The following PTPRG variants were observed in gnomAD, a reference collection of about 807,000 sequenced individuals.
The protein encoded by PTPRG is protein tyrosine phosphatase receptor type G.
In PTPRG, 102 loss-of-function variants were observed where a neutral mutation model predicts 165.3. That is an observed-to-expected ratio of 0.62 (90% confidence interval 0.53 to 0.73). The LOEUF is 0.73. PTPRG is among the 30% of genes least tolerant of loss of function. The pLI is 0.00. For synonymous variants in PTPRG, 675 were observed against 669.5 expected (o/e 1.01, Z -0.13); for missense variants, 1,866 against 1,861.4 (o/e 1.00, Z -0.05).
chr3:61,700,517 C>G (rs2030894824), intron 1 of PTPRG, among the ~76,000 whole-genome samples: 1 of 152,124 alleles, frequency 6.6e-6, no homozygotes, highest in Non-Finnish European at 1.5e-5. Flanking sequence ...TCAGTGAATT[C>G]CCTGGTTGCC....
intron 14 of PTPRG, among the ~76,000 whole-genome samples, chr3:62,235,667 A>T (rs746970243): frequency 2.0e-5 from 3 of 152,186 alleles, no homozygotes; most frequent in South Asian, 2.1e-4. Flanking sequence ...ATCCAATAAA[A>T]TTCTCACTAT....
intron 2 of PTPRG, among the ~76,000 whole-genome samples, chr3:61,956,294 T>A (rs755285954): frequency 4.3e-4 from 60 of 141,010 alleles, no homozygotes; most frequent in African/African-American, 8.1e-4. Context: ...TCTCTCTCTC[T>A]CACACACACA....
rs1368024774 is a variant in PTPRG, at chr3:62,157,108, C to T, written c.724C>T (p.Leu242=). 1 of 1,611,636 alleles carries T rather than the reference C, an allele frequency of 6.2e-7. No homozygotes were observed. The highest frequency in any genetic ancestry group is 8.5e-7 in the Non-Finnish European group (1 of 1,177,732). Reference sequence around the variant, plus strand: ...GGATCCTTTCGTCCTCCGGGACCTCCTGCCTGCATCCCTGGGCAGCTATTA... The same window carrying T: ...GGATCCTTTCGTCCTCCGGGACCTCTTGCCTGCATCCCTGGGCAGCTATTA... ...FLDPFVLRDL[L]PASLGSYYRY... Residue 242 remains leucine, a synonymous_variant, in exon 7 of 30, where the codon CTG becomes TTG. Transcript: ENST00000474889.
At chr3:61,911,023 C>T (rs924685098) in intron 2 of PTPRG, among the ~76,000 whole-genome samples, 2 of 152,192 alleles carry the variant, frequency 1.3e-5, no homozygotes, top group African/African-American at 4.8e-5. Context: ...TCTGCTGCTC[C>T]TGTTGTCCTC....
At chr3:61,658,054 A>G (rs1702557244) in intron 1 of PTPRG, among the ~76,000 whole-genome samples, 1 of 152,196 alleles carries the variant, frequency 6.6e-6, no homozygotes, top group Admixed American at 6.5e-5. Context: ...TTTGGGAAGT[A>G]TAAGAGCTCC....
intron 1 of PTPRG, among the ~76,000 whole-genome samples, chr3:61,650,006 T>C (rs1702306091): frequency 6.6e-6 from 1 of 152,226 alleles, no homozygotes; most frequent in Non-Finnish European, 1.5e-5. Flanking sequence ...GTTTTACTGC[T>C]AAACCTAATA....
At chr3:62,156,287 A>T (rs1275031197) in intron 6 of PTPRG, among the ~76,000 whole-genome samples, 1 of 152,100 alleles carries the variant, frequency 6.6e-6, no homozygotes, top group East Asian at 1.9e-4. Context: ...AGACACCTGG[A>T]TTCACATCCT....
chr3:61,697,965 C>T (rs1253285042), intron 1 of PTPRG, among the ~76,000 whole-genome samples: 1 of 152,158 alleles, frequency 6.6e-6, no homozygotes, highest in Non-Finnish European at 1.5e-5. Flanking sequence ...TTGCTAATTT[C>T]CCCTGCGTTT....
chr3:62,128,032 T>G (rs1207431366), intron 5 of PTPRG, among the ~76,000 whole-genome samples: 1 of 152,138 alleles, frequency 6.6e-6, no homozygotes, highest in Non-Finnish European at 1.5e-5. Flanking sequence ...CGAACCTAGG[T>G]TTCATGGTTT....
chr3:62,281,538 C>CTGTTTTTTTTTTT, intron 26 of PTPRG, 25 bp from the exon 27 acceptor site: 3 of 620,522 alleles, frequency 4.8e-6, no homozygotes, highest in Non-Finnish European at 4.2e-6. Flanking sequence ...ACTGCAGAGG[C>CTGTTTTTTTTTTT]TTTTTTTTTT....
intron 4 of PTPRG, among the ~76,000 whole-genome samples, chr3:62,023,925 A>G (rs1395460198): frequency 6.6e-6 from 1 of 152,138 alleles, no homozygotes; most frequent in Non-Finnish European, 1.5e-5. Flanking sequence ...TTGCTGGGGA[A>G]TACTTGAATC....
chr3:61,567,677 A>AG (rs1355449219), intron 1 of PTPRG, among the ~76,000 whole-genome samples: 1 of 150,558 alleles, frequency 6.6e-6, no homozygotes, highest in Non-Finnish European at 1.5e-5. Flanking sequence ...AAAAAAAAAA[A>AG]AAAAAATTAA....
At chr3:61,813,266 C>T (rs1038369367) in intron 2 of PTPRG, among the ~76,000 whole-genome samples, 9 of 143,514 alleles carry the variant, frequency 6.3e-5, no homozygotes, top group Non-Finnish European at 1.0e-4. Flanking sequence ...GAGGCTTAGG[C>T]GAGTGGATCA....
At chr3:62,278,105 A>G (rs572532724) in intron 26 of PTPRG, among the ~76,000 whole-genome samples, 2 of 152,210 alleles carry the variant, frequency 1.3e-5, no homozygotes, top group South Asian at 4.1e-4. Context: ...CATACATACT[A>G]TTATTATCTC....
chr3:62,084,540 G>A (rs918597138), intron 5 of PTPRG, among the ~76,000 whole-genome samples: 7 of 152,208 alleles, frequency 4.6e-5, no homozygotes, highest in African/African-American at 1.4e-4. Flanking sequence ...ATATCATGTC[G>A]GTGTTACAGA....
At chr3:61,564,489 T>C (rs1030048855) in intron 1 of PTPRG, among the ~76,000 whole-genome samples, 4 of 152,154 alleles carry the variant, frequency 2.6e-5, no homozygotes, top group Non-Finnish European at 5.9e-5. Context: ...TCATTTTCTT[T>C]TCGCGCCCAC....
intron 7 of PTPRG, among the ~76,000 whole-genome samples, chr3:62,166,863 A>G (rs1310590788): frequency 2.0e-5 from 3 of 151,764 alleles, no homozygotes; most frequent in African/African-American, 4.8e-5. Flanking sequence ...TGATTTGTGT[A>G]TTTTTTATAT....
chr3:61,570,967 T>C (rs1268814316), intron 1 of PTPRG, among the ~76,000 whole-genome samples: 2 of 152,146 alleles, frequency 1.3e-5, no homozygotes, highest in Non-Finnish European at 2.9e-5. Context: ...GTTTCAGATA[T>C]ACATATCTCT....
rs141066033 is a variant in PTPRG at position 61,866,455 on chromosome 3, G to A, written c.190+117473G>A. Reference sequence around the variant, plus strand: ...TTGAGGCTGTGGCTGAGAACCAGAAGGAGAAAGCAAGGGCAAGTCCCCATT... The same window carrying A: ...TTGAGGCTGTGGCTGAGAACCAGAAAGAGAAAGCAAGGGCAAGTCCCCATT... On this transcript the variant is annotated intron_variant, in intron 2 of 29. Transcript: ENST00000474889. Among the ~76,000 whole-genome samples, 212 of 152,212 alleles carry A rather than the reference G, an allele frequency of 1.4e-3. 1 individual carries two copies. Among genetic ancestry groups the A allele is most frequent in the Middle Eastern group, 3.4e-3 (1 of 294 alleles).
Sources: allele counts gnomAD v4.1 joint callset (sites outside exome capture counted in the v4.1 genomes callset), GRCh38; gene constraint gnomAD v4.1.1; transcripts MANE v1.5; gene names NCBI Gene and HGNC (gene_info 2026-07-23, HGNC 2026-07-21).